SNTG2: variants seen among roughly 807,000 people sequenced by gnomAD.
SNTG2 encodes the protein gamma-2-syntrophin.
Under a neutral mutation model 70.9 loss-of-function variants are expected in SNTG2, and 74 were observed. The ratio of observed to expected loss-of-function variants is 1.04; its 90% CI spans 0.86 to 1.27. The LOEUF is 1.27. Among genes scored for constraint, SNTG2 ranks in the 50% most tolerant of loss-of-function variants. The pLI is 0.00. For missense variants in SNTG2, 717 were observed against 690.7 expected (o/e 1.04, Z -0.43); for synonymous variants, 278 against 273.8 (o/e 1.02, Z -0.15).
chr2:1,249,232 C>T (rs749933611), intron 12 of SNTG2, among the ~76,000 whole-genome samples: 1 of 152,182 alleles, frequency 6.6e-6, no homozygotes, highest in Non-Finnish European at 1.5e-5. Flanking sequence ...ACTGTTTTAT[C>T]ATGGAGACCT....
At chr2:1,222,059 CTCTGTTTCTCTCTG>C in intron 9 of SNTG2, among the ~76,000 whole-genome samples, 1 of 76,030 alleles carries the variant, frequency 1.3e-5, no homozygotes, top group East Asian at 5.1e-4. Context: ...CTCTCTCTGT[CTCTGTTTCTCTCTG>C]TCTCTGTCTC....
intron 16 of SNTG2, among the ~76,000 whole-genome samples, chr2:1,319,453 A>T (rs1681426942): frequency 6.6e-6 from 1 of 152,138 alleles, no homozygotes; most frequent in Non-Finnish European, 1.5e-5. Flanking sequence ...AACTAAAAAA[A>T]CCTCCACCTC....
chr2:1,218,256 C>G (rs1674527254), intron 9 of SNTG2, among the ~76,000 whole-genome samples: 1 of 152,174 alleles, frequency 6.6e-6, no homozygotes, highest in African/African-American at 2.4e-5. Flanking sequence ...ATCTCCCTAA[C>G]TCAAGGTCAG....
chr2:996,465 C>G (rs907384303), intron 1 of SNTG2, among the ~76,000 whole-genome samples: 1 of 152,010 alleles, frequency 6.6e-6, no homozygotes. Flanking sequence ...TAAACATAAA[C>G]ATTTCTTGTG....
At chr2:1,230,120 G>T (rs1164813829) in intron 9 of SNTG2, among the ~76,000 whole-genome samples, 1 of 152,252 alleles carries the variant, frequency 6.6e-6, no homozygotes, top group African/African-American at 2.4e-5. Context: ...CCGAGAGCGA[G>T]CGAGGGCTGT....
intron 6 of SNTG2, among the ~76,000 whole-genome samples, chr2:1,151,642 T>G (rs1669503555): frequency 6.6e-6 from 1 of 152,174 alleles, no homozygotes; most frequent in Non-Finnish European, 1.5e-5. Context: ...TTTTTATGAC[T>G]TATATTATTC....
chr2:1,203,515 A>G (rs1208128093), intron 8 of SNTG2, among the ~76,000 whole-genome samples: 1 of 151,522 alleles, frequency 6.6e-6, no homozygotes, highest in African/African-American at 2.4e-5. Flanking sequence ...AAAGCCAGGC[A>G]TGGTGGTGCG....
At chr2:1,145,126 TA>T (rs150071790) in intron 6 of SNTG2, among the ~76,000 whole-genome samples, 4,069 of 152,138 alleles carry the variant, frequency 0.027, 186 homozygotes, top group African/African-American at 0.093. Flanking sequence ...AATGTCAAAA[TA>T]ATTTTTTTTT....
chr2:1,138,460 C>T (rs1668539809), intron 6 of SNTG2, among the ~76,000 whole-genome samples: 1 of 152,142 alleles, frequency 6.6e-6, no homozygotes, highest in African/African-American at 2.4e-5. Context: ...CACCATAGGG[C>T]TGATGCCAGG....
intron 1 of SNTG2, among the ~76,000 whole-genome samples, chr2:1,042,001 A>G (rs1184576517): frequency 2.0e-5 from 3 of 152,204 alleles, no homozygotes; most frequent in Non-Finnish European, 2.9e-5. Flanking sequence ...TTCAGTTCTA[A>G]GATGCCATTA....
chr2:1,334,135 C>T (rs1214124271), intron 16 of SNTG2, among the ~76,000 whole-genome samples: 1 of 152,086 alleles, frequency 6.6e-6, no homozygotes, highest in Non-Finnish European at 1.5e-5. Flanking sequence ...GGGCAAAGGA[C>T]ATGAATAGGC....
intron 9 of SNTG2, among the ~76,000 whole-genome samples, chr2:1,222,073 G>GTC (rs1322824210): frequency 2.2e-4 from 1 of 4,638 alleles, no homozygotes; most frequent in African/African-American, 1.1e-3. Flanking sequence ...GTTTCTCTCT[G>GTC]TCTCTGTCTC....
chr2:1,350,119 C>G (rs1278555159), intron 16 of SNTG2, among the ~76,000 whole-genome samples: 1 of 152,100 alleles, frequency 6.6e-6, no homozygotes, highest in African/African-American at 2.4e-5. Flanking sequence ...CTATCACCCC[C>G]CCAGTGCCTT....
chr2:1,193,979 C>T (rs1672751881), intron 8 of SNTG2, among the ~76,000 whole-genome samples: 1 of 152,236 alleles, frequency 6.6e-6, no homozygotes, highest in Non-Finnish European at 1.5e-5. Flanking sequence ...ACCTTCATCT[C>T]CCTCCAGCCA....
chr2:1,303,116 A>G (rs796837376), intron 14 of SNTG2, among the ~76,000 whole-genome samples: 1 of 152,208 alleles, frequency 6.6e-6, no homozygotes, highest in South Asian at 2.1e-4. Flanking sequence ...TATATAGAAG[A>G]CTTCAACAGT....
At chr2:1,100,420 C>T (rs975001477) in intron 4 of SNTG2, among the ~76,000 whole-genome samples, 6 of 152,224 alleles carry the variant, frequency 3.9e-5, no homozygotes, top group African/African-American at 1.4e-4. Context: ...GCTGGGATTA[C>T]AGGCGTGAGC....
intron 4 of SNTG2, among the ~76,000 whole-genome samples, chr2:1,120,185 A>T (rs1667293745): frequency 6.6e-6 from 1 of 152,174 alleles, no homozygotes; most frequent in African/African-American, 2.4e-5. Flanking sequence ...AAAATAAGAA[A>T]ATGGCATTTG....
intron 1 of SNTG2, 114 bp from the exon 2 acceptor site, chr2:1,083,404 G>A (rs758755950): frequency 4.2e-5 from 43 of 1,016,552 alleles, no homozygotes; most frequent in African/African-American, 1.7e-4. Context: ...GTGCACACGC[G>A]AGCACTACAC....
At chr2:1,257,394 CA>C (rs2148160293) in intron 12 of SNTG2, among the ~76,000 whole-genome samples, 2 of 152,248 alleles carry the variant, frequency 1.3e-5, no homozygotes, top group East Asian at 3.9e-4. Context: ...AAGGGATCCC[CA>C]GGGGGAGACA....
Sources: gnomAD v4.1 joint callset for allele counts (sites outside exome capture counted in the v4.1 genomes callset) on GRCh38, gnomAD v4.1.1 for gene constraint, MANE v1.5 for transcripts, NCBI Gene and HGNC (gene_info 2026-07-23, HGNC 2026-07-21) for gene names.